SGK3: variants seen among roughly 807,000 people sequenced by gnomAD.
The protein encoded by SGK3 is serum/glucocorticoid regulated kinase family member 3, also known as serine/threonine-protein kinase Sgk3.
In SGK3, 47 loss-of-function variants were observed where a neutral mutation model predicts 68.5. That is an observed-to-expected ratio of 0.69 (90% CI 0.54 to 0.87). The LOEUF (loss-of-function observed/expected upper bound fraction) is 0.87, where lower values mean the gene tolerates loss of function less well. SGK3 is among the 40% of genes least tolerant of loss of function. SGK3 has a pLI of 0.00. For missense variants in SGK3, 479 were observed against 575.5 expected (o/e 0.83, Z 1.72); for synonymous variants, 181 against 189.1 (o/e 0.96, Z 0.35).
rs1485724176 is a variant in SGK3 at position 66,793,760 on chromosome 8, C to T, written c.24C>T (p.Asp8=). 1 of 1,613,254 alleles carries T rather than the reference C, an allele frequency of 6.2e-7. No individual in the cohort carries two copies. The highest frequency in any genetic ancestry group is 2.2e-5 in the East Asian group (1 of 44,822). MQRDHTM[D]YKESCPSVSI... is the part of the protein sequence containing the mutation. ...AAATGCAAAGAGATCACACCATGGA[C>T]TACAAGGAAAGCTGCCCAAGTGTAA... Residue 8 remains aspartate (D), a synonymous_variant, in exon 2 of 17, where the codon GAC becomes GAT. Coordinates refer to ENST00000521198, the MANE Select transcript of SGK3 (RefSeq NM_001033578.3).
intron 1 of SGK3, among the ~76,000 whole-genome samples, chr8:66,736,156 G>A (rs1004900170): frequency 3.3e-5 from 5 of 152,154 alleles, no homozygotes; most frequent in African/African-American, 4.8e-5. Flanking sequence ...TTCAACTATA[G>A]AATAGGCATA....
chr8:66,784,865 A>T (rs569129492), intron 1 of SGK3, among the ~76,000 whole-genome samples: 4 of 152,182 alleles, frequency 2.6e-5, no homozygotes, highest in South Asian at 4.1e-4. Flanking sequence ...ATGCTTTTTT[A>T]AAAAAAGATG....
intron 4 of SGK3, among the ~76,000 whole-genome samples, chr8:66,807,257 C>T (rs565146486): frequency 6.6e-6 from 1 of 152,194 alleles, no homozygotes; most frequent in South Asian, 2.1e-4. Flanking sequence ...TTAGAAGTGG[C>T]AGAAAAATAT....
At chr8:66,713,455 A>T (rs1383297288) in intron 1 of SGK3, among the ~76,000 whole-genome samples, 2 of 152,244 alleles carry the variant, frequency 1.3e-5, no homozygotes, top group Non-Finnish European at 1.5e-5. Flanking sequence ...AAACGCTTTC[A>T]TTGAGTTGTG....
chr8:66,723,127 ATATATTTTTTTTT>A (rs1804867765), intron 1 of SGK3, among the ~76,000 whole-genome samples: 1 of 49,390 alleles, frequency 2.0e-5, no homozygotes, highest in African/African-American at 8.6e-5. Flanking sequence ...ATATATATAT[ATATATTTTTTTTT>A]TTTTTTTTTT....
chr8:66,766,727 C>A (rs1414235316), intron 1 of SGK3, among the ~76,000 whole-genome samples: 1 of 152,114 alleles, frequency 6.6e-6, no homozygotes, highest in South Asian at 2.1e-4. Flanking sequence ...TTATTAGGTA[C>A]GTAAACATTT....
At chr8:66,800,164 AC>A (rs1410014327) in intron 3 of SGK3, among the ~76,000 whole-genome samples, 1 of 150,362 alleles carries the variant, frequency 6.7e-6, no homozygotes, top group Non-Finnish European at 1.5e-5. Flanking sequence ...ACATGGTGAA[AC>A]CCCGTCTCTA....
intron 10 of SGK3, among the ~76,000 whole-genome samples, chr8:66,837,372 T>C (rs556885488): frequency 1.3e-5 from 2 of 152,316 alleles, no homozygotes; most frequent in East Asian, 3.9e-4. Context: ...AGAAAGGAAC[T>C]GTAAGGAAAA....
At chr8:66,741,193 C>G (rs1185799682) in intron 1 of SGK3, among the ~76,000 whole-genome samples, 3 of 152,126 alleles carry the variant, frequency 2.0e-5, no homozygotes, top group Non-Finnish European at 4.4e-5. Flanking sequence ...ATTGGTTGCT[C>G]TTTCTTAGAG....
At chr8:66,815,831 A>T (rs1236094024) in intron 5 of SGK3, among the ~76,000 whole-genome samples, 2 of 152,160 alleles carry the variant, frequency 1.3e-5, no homozygotes, top group South Asian at 2.1e-4. Flanking sequence ...AACTAAAAGC[A>T]ATTGGATTAT....
At chr8:66,729,316 C>T (rs982678783) in intron 1 of SGK3, among the ~76,000 whole-genome samples, 10 of 151,620 alleles carry the variant, frequency 6.6e-5, no homozygotes, top group African/African-American at 1.9e-4. Flanking sequence ...ATTAGCCAGG[C>T]GTGGTGGCGG....
chr8:66,764,535 C>T lies in SGK3; in HGVS notation c.-121-29081C>T, dbSNP rs564995735. 1.5e-3 allele frequency among the ~76,000 whole-genome samples: 233 copies of T among 152,236 alleles called. 1 individual carries two copies. The highest frequency in any genetic ancestry group is 4.9e-3 in the African/African-American group (205 of 41,544). On this transcript the variant is annotated intron_variant, in intron 1 of 16. Coordinates refer to ENST00000521198, the MANE Select transcript of SGK3 (RefSeq NM_001033578.3). ...GCCCAGGCTGGAGTGTATTGGTCTG[C>T]TCTTGACTCACTACAGCCTCAACCT...
At chr8:66,767,694 A>G (rs1806363585) in intron 1 of SGK3, 1 of 1,440,808 alleles carries the variant, frequency 6.9e-7, no homozygotes, top group African/African-American at 1.4e-5. Flanking sequence ...CTGAGGCAGG[A>G]ACAGAGTTTT....
chr8:66,770,370 T>A (rs1453877112), intron 1 of SGK3, among the ~76,000 whole-genome samples: 1 of 152,238 alleles, frequency 6.6e-6, no homozygotes, highest in Non-Finnish European at 1.5e-5. Context: ...TTTTTTTCCT[T>A]GCTGAATGCT....
In SGK3 at chr8:66,725,177, CGA is replaced by C. The variant is rs1446504812; in HGVS notation, c.-122+12347_-122+12348del. Among the ~76,000 whole-genome samples, 3 of 151,914 alleles carry C rather than the reference CGA, an allele frequency of 2.0e-5. No individual in the cohort carries two copies. In the East Asian group the frequency reaches 5.8e-4, roughly 29 times the overall value. ...CCAGGAGGCGGAGCTTGCAGTGAGC[CGA>C]GATCGTGACACTGCACTCCAGCCTG... On this transcript the variant is annotated intron_variant, in intron 1 of 16. Coordinates refer to ENST00000521198, the MANE Select transcript of SGK3 (RefSeq NM_001033578.3).
At chr8:66,829,260 G>T (rs1287746595) in intron 7 of SGK3, among the ~76,000 whole-genome samples, 1 of 152,162 alleles carries the variant, frequency 6.6e-6, no homozygotes, top group Admixed American at 6.5e-5. Context: ...GAGGAATGTG[G>T]TCTTGCTGCC....
At chr8:66,750,912 TG>T (rs1469771330) in intron 1 of SGK3, among the ~76,000 whole-genome samples, 3 of 145,058 alleles carry the variant, frequency 2.1e-5, no homozygotes, top group African/African-American at 7.7e-5. Context: ...GAGGCTGAGG[TG>T]GGAGGATTGC....
intron 1 of SGK3, among the ~76,000 whole-genome samples, chr8:66,765,560 A>T (rs1260381176): frequency 1.3e-5 from 2 of 151,494 alleles, no homozygotes; most frequent in African/African-American, 4.9e-5. Flanking sequence ...TTGATTTGAG[A>T]TTTTTTTTCT....
Position 66,861,492 on chromosome 8 carries a change from A to G in SGK3, c.*1911A>G. ...TAACTACAGAAGAACTTTAAAAAAT[A>G]AAAAATAAGCTTACCTTGGATTCTT... On this transcript the variant is annotated 3_prime_UTR_variant, in exon 17 of 17. Transcript: ENST00000521198. The G allele has an allele frequency of 6.6e-6, 1 of 152,178 alleles. No homozygotes were observed. The highest frequency in any genetic ancestry group is 1.9e-4 in the East Asian group (1 of 5,194). 9.4% of individuals were successfully genotyped at this position (152,178 alleles called of 1,614,324 possible). A position where few individuals can be genotyped will look rare whatever the true frequency, so the allele number is the denominator to read the frequency against.
Sources: allele counts gnomAD v4.1 joint callset (sites outside exome capture counted in the v4.1 genomes callset), GRCh38; gene constraint gnomAD v4.1.1; transcripts MANE v1.5; gene names NCBI Gene and HGNC (gene_info 2026-07-23, HGNC 2026-07-21).